SEMA4D: variants seen among roughly 807,000 people sequenced by gnomAD.
SEMA4D encodes the protein semaphorin-4D.
Under a neutral mutation model 74.8 loss-of-function variants are expected in SEMA4D, and 22 were observed. The observed-to-expected ratio is 0.29, with a 90% CI of 0.21 to 0.42. The LOEUF is 0.42. SEMA4D is among the 10% of genes least tolerant of loss of function. SEMA4D has a pLI of 1.00. For missense variants in SEMA4D, 937 were observed against 1,118.4 expected, an observed-to-expected ratio of 0.84 and a Z score of 2.31; for synonymous variants, 445 against 463.7, an observed-to-expected ratio of 0.96 and a Z score of 0.52.
intron 1 of SEMA4D, among the ~76,000 whole-genome samples, chr9:89,477,503 A>G (rs1371257604): frequency 6.6e-6 from 1 of 152,224 alleles, no homozygotes; most frequent in African/African-American, 2.4e-5. Flanking sequence ...GACACACAGC[A>G]CACACAAGGG....
At chr9:89,388,549 C>A in intron 11 of SEMA4D, 87 bp downstream of exon 11, 1 of 1,492,136 alleles carries the variant, frequency 6.7e-7, no homozygotes, top group Non-Finnish European at 8.9e-7. Flanking sequence ...GGTACCCAGC[C>A]CATGAGCAGG....
chr9:89,450,659 G>GAAAAAAAAAAAAAAAAAAAAAAAAA lies in SEMA4D; in HGVS notation c.-244+5228_-244+5229insTTTTTTTTTTTTTTTTTTTTTTTTT, dbSNP rs1564832883. ...AGAGTTCTGCAAGTCGAAAAACCCA[G>GAAAAAAAAAAAAAAAAAAAAAAAAA]GAAAAAAAAAAAAAAAAAAAAAAAA... On this transcript the variant is annotated intron_variant, in intron 2 of 15. Coordinates refer to ENST00000422704, the MANE Select transcript of SEMA4D (RefSeq NM_001371194.2). 1.6e-4 allele frequency: 67 copies of GAAAAAAAAAAAAAAAAAAAAAAAAA among 421,248 alleles called. 15 individuals carry two copies. The highest frequency in any genetic ancestry group is 2.0e-4 in the Non-Finnish European group (50 of 254,382). The allele number at this position is 421,248 out of a possible 1,614,324, so 26.1% of individuals were successfully genotyped here.
intron 1 of SEMA4D, among the ~76,000 whole-genome samples, chr9:89,458,030 C>G (rs948094991): frequency 1.3e-5 from 2 of 152,028 alleles, no homozygotes; most frequent in Non-Finnish European, 2.9e-5. Flanking sequence ...GAGACTGGGT[C>G]TCAAACAAAC....
intron 2 of SEMA4D, among the ~76,000 whole-genome samples, chr9:89,449,060 C>T (rs1853670050): frequency 6.6e-6 from 1 of 152,128 alleles, no homozygotes; most frequent in Admixed American, 6.5e-5. Flanking sequence ...AAGTCTTACC[C>T]ACAGAAAACA....
chr9:89,485,517 G>A (rs895963127), intron 1 of SEMA4D, among the ~76,000 whole-genome samples: 2 of 152,066 alleles, frequency 1.3e-5, no homozygotes, highest in Admixed American at 6.5e-5. Flanking sequence ...GGCTGGGCAC[G>A]GTGGCTCACA....
In SEMA4D at chr9:89,377,862, G is replaced by C. The variant is rs1438505654; in HGVS notation, c.*842C>G. Reference sequence around the variant, plus strand: ...CTCAAAACCCACCTCGTGGATGTGGGAAGGTCCTCTTCTTCGAGAGAGTAA... The same window carrying C: ...CTCAAAACCCACCTCGTGGATGTGGCAAGGTCCTCTTCTTCGAGAGAGTAA... On this transcript the variant is annotated 3_prime_UTR_variant, in exon 16 of 16. Transcript: ENST00000422704. The C allele has an allele frequency of 6.7e-6, 1 of 150,280 alleles. No individual in the cohort carries two copies. Among genetic ancestry groups the C allele is most frequent in the African/African-American group, 2.4e-5 (1 of 41,002 alleles). 9.3% of individuals were successfully genotyped at this position (150,280 alleles called of 1,614,324 possible).
intron 2 of SEMA4D, among the ~76,000 whole-genome samples, chr9:89,411,290 TG>T: frequency 1.3e-5 from 2 of 152,252 alleles, no homozygotes; most frequent in Admixed American, 1.3e-4. Context: ...GACCCATGAA[TG>T]GAAATGTAAC....
At chr9:89,362,599 C>T (rs1459709702) in intron 18 of SEMA4D, among the ~76,000 whole-genome samples, 1 of 152,226 alleles carries the variant, frequency 6.6e-6, no homozygotes, top group Non-Finnish European at 1.5e-5. Flanking sequence ...GTGGTTCTCC[C>T]ATATGTGACA....
rs563634245 is a variant in SEMA4D, at chr9:89,471,165, T to C, written c.-309-15212A>G. On this transcript the variant is annotated intron_variant, in intron 1 of 15. Coordinates refer to ENST00000422704, the MANE Select transcript of SEMA4D (RefSeq NM_001371194.2). ...GAGAAACACTGCGTGATTCCACTTA[T>C]AGGAGGTCCCTAGAGTAGTCAGTCA... 7.2e-5 allele frequency among the ~76,000 whole-genome samples: 11 copies of C among 152,344 alleles called. No homozygotes were observed. In the East Asian group the frequency reaches 9.6e-4, roughly 13 times the overall value.
chr9:89,362,618 G>C (rs1370461935), intron 18 of SEMA4D, among the ~76,000 whole-genome samples: 2 of 152,244 alleles, frequency 1.3e-5, no homozygotes, highest in African/African-American at 4.8e-5. Flanking sequence ...CAGGAAGGCA[G>C]AGCAGCAGCG....
At chr9:89,389,265 CACAAA>C (rs918131664) in intron 9 of SEMA4D, among the ~76,000 whole-genome samples, 35 of 152,356 alleles carry the variant, frequency 2.3e-4, no homozygotes, top group African/African-American at 7.9e-4. Context: ...TGGGTTAACA[CACAAA>C]ACAAAACGGA....
At chr9:89,457,249 G>A (rs1856168963) in intron 1 of SEMA4D, among the ~76,000 whole-genome samples, 1 of 152,154 alleles carries the variant, frequency 6.6e-6, no homozygotes, top group Non-Finnish European at 1.5e-5. Context: ...GACAGGTGGG[G>A]AGCAGACCCA....
At chr9:89,369,806 C>T (rs1834255486) in intron 16 of SEMA4D, among the ~76,000 whole-genome samples, 1 of 152,246 alleles carries the variant, frequency 6.6e-6, no homozygotes, top group Admixed American at 6.5e-5. Flanking sequence ...TGCTGCTCCA[C>T]TTGCCACGGG....
chr9:89,465,935 A>G (rs1858576520), intron 1 of SEMA4D, among the ~76,000 whole-genome samples: 1 of 152,236 alleles, frequency 6.6e-6, no homozygotes. Context: ...TGGGAAGGTG[A>G]TGCTGCAGAA....
At chr9:89,399,246 G>T (rs746663871) in intron 5 of SEMA4D, 30 bp downstream of exon 5, 2 of 1,583,272 alleles carry the variant, frequency 1.3e-6, no homozygotes, top group Non-Finnish European at 1.7e-6. Flanking sequence ...ACTTGAATGG[G>T]ATTCTTTGTA....
intron 1 of SEMA4D, among the ~76,000 whole-genome samples, chr9:89,473,877 A>C (rs1289940221): frequency 1.3e-5 from 2 of 152,144 alleles, no homozygotes; most frequent in Non-Finnish European, 1.5e-5. Context: ...AAACAAACAA[A>C]AAAACAAAAA....
At chr9:89,447,055 C>A (rs1225679558) in intron 2 of SEMA4D, among the ~76,000 whole-genome samples, 5 of 152,134 alleles carry the variant, frequency 3.3e-5, no homozygotes, top group Non-Finnish European at 7.4e-5. Context: ...ATCTCTCCCA[C>A]CGCAGCCCAG....
In SEMA4D at chr9:89,436,427, G is replaced by A. The variant is rs75576022; in HGVS notation, c.-244+19461C>T. The A allele has an allele frequency of 6.8e-3, 1,033 of 152,556 alleles. 7 individuals carry two copies. Among genetic ancestry groups the A allele is most frequent in the African/African-American group, 0.022 (934 of 41,590 alleles). 9.5% of individuals were successfully genotyped at this position (152,556 alleles called of 1,614,324 possible). A position where few individuals can be genotyped will look rare whatever the true frequency, so the allele number is the denominator to read the frequency against. On this transcript the variant is annotated intron_variant, in intron 2 of 15. Transcript: ENST00000422704. The stretch of plus-strand genomic sequence containing the variant: ...TCTGGCCCCGCCGCCCCATCCTCAC[G>A]CAGGGCCTCTGCTCGCCTGGGACGT...
chr9:89,414,066 G>C (rs1845152658), intron 2 of SEMA4D, among the ~76,000 whole-genome samples: 1 of 152,178 alleles, frequency 6.6e-6, no homozygotes, highest in African/African-American at 2.4e-5. Context: ...CCCGTGTCTC[G>C]GCTCCTTCCT....
Sources: allele counts gnomAD v4.1 joint callset (sites outside exome capture counted in the v4.1 genomes callset), GRCh38; gene constraint gnomAD v4.1.1; transcripts MANE v1.5; gene names NCBI Gene and HGNC (gene_info 2026-07-23, HGNC 2026-07-21).